Variants in CDH9 observed in about 807,000 individuals in gnomAD.
CDH9 encodes cadherin 9, also known as cadherin-9.
Under a neutral mutation model 70.9 loss-of-function variants are expected in CDH9, and 28 were observed. The observed-to-expected ratio is 0.40, with a 90% CI of 0.29 to 0.54. The LOEUF (loss-of-function observed/expected upper bound fraction) is 0.54, where lower values mean the gene tolerates loss of function less well. Ranked by LOEUF, CDH9 falls within the 20% of genes least tolerant of loss-of-function variation. The pLI, the probability that CDH9 is intolerant of heterozygous loss-of-function variation, is 0.59. For synonymous variants in CDH9, 409 were observed against 343.1 expected (o/e 1.19, Z -2.12); for missense variants, 874 against 984.4 (o/e 0.89, Z 1.50).
chr5:27,005,589 C>T (rs962978125), intron 1 of CDH9, among the ~76,000 whole-genome samples: 4 of 152,040 alleles, frequency 2.6e-5, no homozygotes, highest in South Asian at 2.1e-4. Context: ...AGTTCAACTA[C>T]TGTGGAAAGC....
chr5:26,948,398 T>C (rs1332807157), intron 2 of CDH9, among the ~76,000 whole-genome samples: 1 of 152,188 alleles, frequency 6.6e-6, no homozygotes, highest in Non-Finnish European at 1.5e-5. Flanking sequence ...TCACCCAATA[T>C]CAACAGAAGA....
intron 1 of CDH9, among the ~76,000 whole-genome samples, chr5:26,991,777 A>G (rs1398943743): frequency 6.6e-6 from 1 of 152,194 alleles, no homozygotes; most frequent in Non-Finnish European, 1.5e-5. Context: ...AACTAGGTGG[A>G]TGACTGAGTG....
intron 2 of CDH9, among the ~76,000 whole-genome samples, chr5:26,951,988 T>C (rs1289460071): frequency 6.7e-6 from 1 of 149,898 alleles, no homozygotes; most frequent in Non-Finnish European, 1.5e-5. Context: ...TATTTTATTT[T>C]ATTTTATTTT....
intron 2 of CDH9, among the ~76,000 whole-genome samples, chr5:26,940,591 A>G (rs185698994): frequency 3.3e-5 from 5 of 152,312 alleles, no homozygotes; most frequent in Admixed American, 1.3e-4. Flanking sequence ...CTCTTTTACT[A>G]AGGAAATATC....
chr5:26,920,740 C>T (rs1003330995), intron 2 of CDH9, among the ~76,000 whole-genome samples: 2 of 152,096 alleles, frequency 1.3e-5, no homozygotes, highest in Non-Finnish European at 2.9e-5. Context: ...CACTCAAGAC[C>T]ACCAAAGCAG....
intron 2 of CDH9, 109 bp downstream of exon 2, chr5:26,987,997 A>T (rs1579496388): frequency 1.4e-6 from 1 of 737,556 alleles, no homozygotes; most frequent in South Asian, 1.9e-5. Context: ...CCTTCAGAAC[A>T]TAATTAGTTA....
At chr5:26,918,459 T>C (rs914096870) in intron 2 of CDH9, among the ~76,000 whole-genome samples, 16 of 152,234 alleles carry the variant, frequency 1.1e-4, no homozygotes, top group African/African-American at 3.9e-4. Context: ...TATTCTTCTA[T>C]TAAGTCACTT....
chr5:26,919,867 G>A (rs1741214002), intron 2 of CDH9, among the ~76,000 whole-genome samples: 1 of 152,092 alleles, frequency 6.6e-6, no homozygotes, highest in Non-Finnish European at 1.5e-5. Flanking sequence ...GGAGCCCCTG[G>A]ACCCTGAATT....
At chr5:26,950,303 C>T (rs989220171) in intron 2 of CDH9, among the ~76,000 whole-genome samples, 3 of 151,984 alleles carry the variant, frequency 2.0e-5, no homozygotes, top group African/African-American at 7.2e-5. Context: ...TATCTCAGTG[C>T]GTGGAAGTGT....
intron 2 of CDH9, among the ~76,000 whole-genome samples, chr5:26,967,618 A>T (rs1742151014): frequency 6.6e-6 from 1 of 152,196 alleles, no homozygotes; most frequent in African/African-American, 2.4e-5. Context: ...ACAAATAAAA[A>T]TGCCTGATGA....
At chr5:27,017,194 C>T (rs1026858154) in intron 1 of CDH9, among the ~76,000 whole-genome samples, 1 of 151,874 alleles carries the variant, frequency 6.6e-6, no homozygotes, top group Non-Finnish European at 1.5e-5. Context: ...ACATACTCTT[C>T]AGGTACATTG....
Position 26,940,478 on chromosome 5 carries a change from G to A in CDH9, c.229-24554C>T, listed in dbSNP as rs972713564. Reference sequence around the variant, plus strand: ...ATGCAGGGCCAGGAGATTCACAATTGTTAAAGCTGCTATTAGAATATCCTA... The same window carrying A: ...ATGCAGGGCCAGGAGATTCACAATTATTAAAGCTGCTATTAGAATATCCTA... On this transcript the variant is annotated intron_variant, in intron 2 of 11. Coordinates refer to ENST00000231021, the MANE Select transcript of CDH9 (RefSeq NM_016279.4). Among the ~76,000 whole-genome samples, 82 of 152,226 alleles carry A rather than the reference G, an allele frequency of 5.4e-4. 1 individual carries two copies. Among genetic ancestry groups the A allele is most frequent in the African/African-American group, 1.8e-3 (74 of 41,516 alleles).
intron 2 of CDH9, among the ~76,000 whole-genome samples, chr5:26,974,412 CATTT>C (rs1742270901): frequency 6.6e-6 from 1 of 151,842 alleles, no homozygotes; most frequent in Non-Finnish European, 1.5e-5. Context: ...TTCGCCTGTT[CATTT>C]GAGATCTCCT....
Position 26,890,680 on chromosome 5 carries a change from G to T in CDH9, c.1254-116C>A. On this transcript the variant is annotated intron_variant, in intron 7 of 11. Transcript: ENST00000231021. ...CTGACAAAGACATGAAATGCAAAAT[G>T]CTAACAACTTTCTTGAATTTTTATT... The T allele has an allele frequency of 8.5e-6, 6 of 703,438 alleles. No individual in the cohort carries two copies. The South Asian group carries it at 1.1e-4, about 13-fold the overall frequency. 43.6% of individuals were successfully genotyped at this position (703,438 alleles called of 1,614,324 possible).
chr5:26,982,527 A>G (rs921999801), intron 2 of CDH9, among the ~76,000 whole-genome samples: 5 of 152,322 alleles, frequency 3.3e-5, no homozygotes, highest in African/African-American at 1.2e-4. Flanking sequence ...TTTTTAAAAT[A>G]GTAGCTAAAT....
At chr5:26,993,811 T>C (rs1242177731) in intron 1 of CDH9, among the ~76,000 whole-genome samples, 1 of 151,862 alleles carries the variant, frequency 6.6e-6, no homozygotes, top group Non-Finnish European at 1.5e-5. Flanking sequence ...TTGCCTCACT[T>C]TCAACATGCC....
chr5:26,894,274 T>C (rs1740709035), intron 7 of CDH9, among the ~76,000 whole-genome samples: 1 of 152,190 alleles, frequency 6.6e-6, no homozygotes, highest in Non-Finnish European at 1.5e-5. Context: ...TTTGTGCTCA[T>C]TGCTAGCTGC....
intron 2 of CDH9, among the ~76,000 whole-genome samples, chr5:26,916,929 A>T (rs1294553870): frequency 6.6e-6 from 1 of 151,980 alleles, no homozygotes; most frequent in Non-Finnish European, 1.5e-5. Flanking sequence ...TGTCTTAGGA[A>T]AAAATAGGAT....
At chr5:27,019,858 T>C (rs1040416507) in intron 1 of CDH9, among the ~76,000 whole-genome samples, 1 of 151,866 alleles carries the variant, frequency 6.6e-6, no homozygotes, top group African/African-American at 2.4e-5. Context: ...CATGCAAAAT[T>C]CTTAATATTC....
Sources: allele counts gnomAD v4.1 joint callset (sites outside exome capture counted in the v4.1 genomes callset), GRCh38; gene constraint gnomAD v4.1.1; transcripts MANE v1.5; gene names NCBI Gene and HGNC (gene_info 2026-07-23, HGNC 2026-07-21).